The following SYN3 variants were observed in gnomAD, a reference collection of about 807,000 sequenced individuals.
SYN3 encodes synapsin-3.
SYN3 carries 35 observed loss-of-function variants against 65.8 expected under a neutral mutation model. That is an observed-to-expected ratio of 0.53 (90% CI 0.41 to 0.70). The LOEUF (loss-of-function observed/expected upper bound fraction) is 0.70, where lower values mean the gene tolerates loss of function less well. SYN3 is among the 30% of genes least tolerant of loss of function. SYN3 has a pLI of 0.00. For missense variants in SYN3, 680 were observed against 749.0 expected (o/e 0.91, Z 1.08); for synonymous variants, 270 against 292.9 (o/e 0.92, Z 0.80).
intron 6 of SYN3, among the ~76,000 whole-genome samples, chr22:32,812,706 C>T (rs1436674003): frequency 6.6e-6 from 1 of 152,182 alleles, no homozygotes; most frequent in Non-Finnish European, 1.5e-5. Flanking sequence ...GGAAGTCTGG[C>T]TCAGATGAAC....
At position 32,576,510 on chromosome 22, in the gene SYN3, A is replaced by G. The variant is rs143265272; in HGVS notation, c.774+20164T>C. Reference sequence around the variant, plus strand: ...AAATACACGGTTTATGATGGTGACTATTTTCCGTAAGGTATTTCAAATTCA... The same window carrying G: ...AAATACACGGTTTATGATGGTGACTGTTTTCCGTAAGGTATTTCAAATTCA... On this transcript the variant is annotated intron_variant, in intron 7 of 13. Transcript: ENST00000358763. Among the ~76,000 whole-genome samples, 25 of 152,214 alleles carry G rather than the reference A, an allele frequency of 1.6e-4. No individual in the cohort carries two copies. The East Asian group carries it at 2.9e-3, about 18-fold the overall frequency.
rs1321423419 is a variant in SYN3 at position 32,586,050 on chromosome 22, ATG to A, written c.774+10622_774+10623del. Among the ~76,000 whole-genome samples, 10 of 143,794 alleles carry A rather than the reference ATG, an allele frequency of 7.0e-5. No individual in the cohort carries two copies. In the South Asian group the frequency reaches 9.2e-4, roughly 13 times the overall value. 94.3% of individuals were successfully genotyped at this position (143,794 alleles called of 152,430 possible). On this transcript the variant is annotated intron_variant, in intron 7 of 13. Transcript: ENST00000358763. ...TGTATGTATATATGTATATGTATAT[ATG>A]TGTATATGTATATATGTATACATGT...
At chr22:32,547,804 T>C (rs2058356520) in intron 7 of SYN3, among the ~76,000 whole-genome samples, 1 of 152,224 alleles carries the variant, frequency 6.6e-6, no homozygotes, top group Non-Finnish European at 1.5e-5. Context: ...TAGTAGACTG[T>C]CTGCTATTTG....
At chr22:32,551,941 C>T (rs2058421887) in intron 7 of SYN3, among the ~76,000 whole-genome samples, 1 of 152,168 alleles carries the variant, frequency 6.6e-6, no homozygotes, top group Non-Finnish European at 1.5e-5. Flanking sequence ...GATGCTTCCA[C>T]CTTGTAGATA....
chr22:32,535,620 C>T (rs773910447), intron 9 of SYN3, among the ~76,000 whole-genome samples: 17 of 152,264 alleles, frequency 1.1e-4, no homozygotes, highest in South Asian at 2.1e-4. Flanking sequence ...CTCAATGGAA[C>T]GTGGAAATTT....
chr22:32,853,610 C>T (rs2048283697), intron 6 of SYN3, among the ~76,000 whole-genome samples: 1 of 152,194 alleles, frequency 6.6e-6, no homozygotes, highest in African/African-American at 2.4e-5. Context: ...GCATGCAGAA[C>T]CCAGCTGAAA....
intron 1 of SYN3, among the ~76,000 whole-genome samples, chr22:33,054,148 C>T (rs1028487585): frequency 6.6e-6 from 1 of 152,150 alleles, no homozygotes; most frequent in Non-Finnish European, 1.5e-5. Flanking sequence ...CTCCTCCTCT[C>T]TCTCTCACAC....
chr22:32,841,516 G>A (rs2047900994), intron 6 of SYN3, among the ~76,000 whole-genome samples: 1 of 152,180 alleles, frequency 6.6e-6, no homozygotes, highest in Non-Finnish European at 1.5e-5. Context: ...AAGGCCATGA[G>A]AGCCCCGGGT....
At chr22:32,826,155 G>A (rs2047405924) in intron 6 of SYN3, among the ~76,000 whole-genome samples, 1 of 152,198 alleles carries the variant, frequency 6.6e-6, no homozygotes, top group Non-Finnish European at 1.5e-5. Context: ...TGAGCCTGGT[G>A]TGGTGGCTCA....
Position 32,510,590 on chromosome 22 carries a change from A to T in SYN3, c.*3102T>A, listed in dbSNP as rs542758590. Among the ~76,000 whole-genome samples the T allele has an allele frequency of 4.5e-4, 69 of 152,310 alleles. No individual in the cohort carries two copies. The highest frequency in any genetic ancestry group is 1.6e-3 in the African/African-American group (65 of 41,576). On this transcript the variant is annotated 3_prime_UTR_variant, in exon 14 of 14. Transcript: ENST00000358763. ...CCGTTTATTCAGGATGTCACACAGC[A>T]TTATTTATTAATATTTGAAAGGTCT... is the stretch of plus-strand genomic sequence containing the variant.
chr22:32,903,575 C>T (rs1254977158), intron 4 of SYN3, among the ~76,000 whole-genome samples: 2 of 152,190 alleles, frequency 1.3e-5, no homozygotes, highest in East Asian at 3.9e-4. Flanking sequence ...ATGCGCTTCG[C>T]ACATCAGCAG....
chr22:32,686,746 C>A (rs1416254144), intron 6 of SYN3, among the ~76,000 whole-genome samples: 1 of 151,914 alleles, frequency 6.6e-6, no homozygotes, highest in Non-Finnish European at 1.5e-5. Context: ...CAGGCGCCCA[C>A]CACCACGTCC....
At chr22:32,627,922 G>A (rs566250649) in intron 6 of SYN3, among the ~76,000 whole-genome samples, 40 of 152,182 alleles carry the variant, frequency 2.6e-4, no homozygotes, top group Admixed American at 6.5e-4. Context: ...TCCGCCTCCC[G>A]GGTTCAAGTG....
chr22:32,527,513 T>A (rs1383497161), intron 12 of SYN3, among the ~76,000 whole-genome samples: 1 of 150,718 alleles, frequency 6.6e-6, no homozygotes, highest in African/African-American at 2.4e-5. Context: ...GGCAGGAGAA[T>A]CACTTGAACC....
chr22:32,599,821 C>T (rs1601727429), intron 6 of SYN3, among the ~76,000 whole-genome samples: 1 of 152,116 alleles, frequency 6.6e-6, no homozygotes, highest in Admixed American at 6.5e-5. Context: ...CTGGTTGGGG[C>T]ACACCAAAGG....
At chr22:32,866,865 A>T (rs2048700615) in intron 5 of SYN3, among the ~76,000 whole-genome samples, 1 of 152,074 alleles carries the variant, frequency 6.6e-6, no homozygotes, top group Non-Finnish European at 1.5e-5. Context: ...GAGTGTTCCA[A>T]CTCTACATGG....
At chr22:32,870,872 T>G (rs1008140238) in intron 4 of SYN3, among the ~76,000 whole-genome samples, 3 of 152,220 alleles carry the variant, frequency 2.0e-5, no homozygotes, top group Non-Finnish European at 4.4e-5. Context: ...GGTCTCCAGT[T>G]TCCTATTGAG....
At chr22:32,655,245 CA>C (rs1225055105) in intron 6 of SYN3, among the ~76,000 whole-genome samples, 2 of 152,222 alleles carry the variant, frequency 1.3e-5, no homozygotes, top group African/African-American at 2.4e-5. Flanking sequence ...CTCTTTGAGG[CA>C]GAGCGTCCTC....
At chr22:32,559,851 A>G (rs1371309542) in intron 7 of SYN3, among the ~76,000 whole-genome samples, 2 of 152,088 alleles carry the variant, frequency 1.3e-5, no homozygotes, top group Admixed American at 6.5e-5. Flanking sequence ...AAAAAAAGAA[A>G]AAAAGAAAAG....
Sources: allele counts gnomAD v4.1 joint callset (sites outside exome capture counted in the v4.1 genomes callset), GRCh38; gene constraint gnomAD v4.1.1; transcripts MANE v1.5; gene names NCBI Gene and HGNC (gene_info 2026-07-23, HGNC 2026-07-21).